Variants in LRRC18 observed in about 807,000 individuals in gnomAD.
LRRC18 encodes leucine-rich repeat-containing protein 18.
Under a neutral mutation model 11.2 loss-of-function variants are expected in LRRC18, and 12 were observed. The observed-to-expected ratio is 1.07, with a 90% CI of 0.69 to 1.74. LRRC18 has a LOEUF of 1.74. Among genes scored for constraint, LRRC18 ranks in the 40% most tolerant of loss-of-function variants. The pLI is 0.00. For synonymous variants in LRRC18, 155 were observed against 130.6 expected (o/e 1.19, Z -1.27); for missense variants, 374 against 330.5 (o/e 1.13, Z -1.02).
At chr10:48,915,387 T>A (rs975637830), upstream of LRRC18, among the ~76,000 whole-genome samples, 6 of 150,604 alleles carry the variant, frequency 4.0e-5, no homozygotes, top group African/African-American at 1.2e-4. Flanking sequence ...CCTTTTCTTT[T>A]TAAAGGCCTC....
chr10:48,913,570 C>T (rs542619131), exon 1 of LRRC18: 1 of 1,614,098 alleles, frequency 6.2e-7, no homozygotes, highest in African/African-American at 1.3e-5. Context: ...TACAAGTTCT[C>T]CAGCCTCCTG....
intron 1 of LRRC18, 63 bp downstream of exon 3, chr10:48,913,329 G>A (rs1022619279): frequency 2.0e-6 from 3 of 1,492,084 alleles, no homozygotes; most frequent in East Asian, 4.5e-5. Flanking sequence ...TGTGGAGGTA[G>A]CCCACTGCCC....
At chr10:48,934,756 T>C in the LRRC18 span, among the ~76,000 whole-genome samples, 2 of 152,164 alleles carry the variant, frequency 1.3e-5, no homozygotes, top group African/African-American at 4.8e-5. Context: ...TTAGTTTCCT[T>C]AGAGGGGTGA....
At chr10:48,913,706 C>T in exon 1 of LRRC18, 2 of 1,612,466 alleles carry the variant, frequency 1.2e-6, no homozygotes, top group South Asian at 1.1e-5. Flanking sequence ...TGTCATGGAG[C>T]CCTACCTCGT....
At chr10:48,937,100 G>A in the LRRC18 span, among the ~76,000 whole-genome samples, 2 of 151,858 alleles carry the variant, frequency 1.3e-5, no homozygotes. Flanking sequence ...TTCCATGTTG[G>A]CTAGGCTGGT....
chr10:48,925,776 T>A, the LRRC18 span, among the ~76,000 whole-genome samples: 1 of 152,104 alleles, frequency 6.6e-6, no homozygotes, highest in Non-Finnish European at 1.5e-5. Flanking sequence ...TTTGGGGGGA[T>A]TTCTGACATC....
upstream of LRRC18, among the ~76,000 whole-genome samples, chr10:48,915,820 T>C (rs529516231): frequency 1.3e-5 from 2 of 152,306 alleles, no homozygotes; most frequent in East Asian, 3.9e-4. Context: ...GCAGCATTGA[T>C]GTTCATTTAC....
At chr10:48,923,408 C>G in the LRRC18 span, among the ~76,000 whole-genome samples, 1 of 150,670 alleles carries the variant, frequency 6.6e-6, no homozygotes, top group Admixed American at 6.7e-5. Context: ...AATGGCTTCT[C>G]CCCATGGTAG....
intron 1 of LRRC18, chr10:48,910,775 G>A (rs1000661861): frequency 1.9e-5 from 5 of 261,646 alleles, no homozygotes; most frequent in Non-Finnish European, 3.0e-5. Context: ...GTGAGTGTCA[G>A]GCCAGCCAAG....
At chr10:48,913,455 T>A (rs974063948) in exon 1 of LRRC18, 1 of 1,613,676 alleles carries the variant, frequency 6.2e-7, no homozygotes, top group African/African-American at 1.3e-5. Flanking sequence ...AAAGATGGTC[T>A]TTCTCGGTGT....
chr10:48,910,232 C>A (rs1263050597), exon 2 of LRRC18: 1 of 1,612,444 alleles, frequency 6.2e-7, no homozygotes, highest in Non-Finnish European at 8.5e-7. Context: ...TTTGCCACAG[C>A]TACTCTAGGA....
At chr10:48,921,286 A>G in the LRRC18 span, among the ~76,000 whole-genome samples, 2 of 124,460 alleles carry the variant, frequency 1.6e-5, no homozygotes, top group African/African-American at 6.1e-5. Flanking sequence ...TGGAACAGAA[A>G]ATAGAGTCCA....
the LRRC18 span, among the ~76,000 whole-genome samples, chr10:48,928,025 G>C: frequency 6.6e-6 from 1 of 152,202 alleles, no homozygotes; most frequent in African/African-American, 2.4e-5. Context: ...CCCCTTTGAA[G>C]CTCATGAGGT....
At chr10:48,930,978 C>G in the LRRC18 span, among the ~76,000 whole-genome samples, 1 of 152,074 alleles carries the variant, frequency 6.6e-6, no homozygotes, top group South Asian at 2.1e-4. Flanking sequence ...GTACTGGACT[C>G]TTTTTACTTT....
chr10:48,917,850 C>T (rs1299294538), upstream of LRRC18, among the ~76,000 whole-genome samples: 1 of 152,160 alleles, frequency 6.6e-6, no homozygotes, highest in African/African-American at 2.4e-5. Context: ...TTTTTCTCTT[C>T]TAAATACCCT....
At chr10:48,937,018 C>CG in the LRRC18 span, among the ~76,000 whole-genome samples, 7 of 151,508 alleles carry the variant, frequency 4.6e-5, no homozygotes. Flanking sequence ...CTCCCGGGTT[C>CG]GAGTAGCTGG....
At chr10:48,936,562 G>A in the LRRC18 span, among the ~76,000 whole-genome samples, 1 of 151,974 alleles carries the variant, frequency 6.6e-6, no homozygotes, top group African/African-American at 2.4e-5. Context: ...CTCAGGCCAG[G>A]TGTGGTGGCT....
At chr10:48,913,706 C>A in exon 1 of LRRC18, 1 of 1,612,466 alleles carries the variant, frequency 6.2e-7, no homozygotes. Flanking sequence ...TGTCATGGAG[C>A]CCTACCTCGT....
the LRRC18 span, among the ~76,000 whole-genome samples, chr10:48,939,014 T>TGCCCACAG: frequency 6.6e-6 from 1 of 152,172 alleles, no homozygotes; most frequent in Non-Finnish European, 1.5e-5. Flanking sequence ...CACCCCAAGT[T>TGCCCACAG]GCCCACAGGC....
Sources: allele counts gnomAD v4.1 joint callset (sites outside exome capture counted in the v4.1 genomes callset), GRCh38; gene constraint gnomAD v4.1.1; transcripts MANE v1.5; gene names NCBI Gene and HGNC (gene_info 2026-07-23, HGNC 2026-07-21).